The following DPYD variants were observed in gnomAD, a reference collection of about 807,000 sequenced individuals.
The protein encoded by DPYD is dihydropyrimidine dehydrogenase [NADP(+)].
DPYD carries 109 observed loss-of-function variants against 116.2 expected under a neutral mutation model. The observed-to-expected ratio is 0.94, with a 90% CI of 0.80 to 1.10. The LOEUF (loss-of-function observed/expected upper bound fraction) is 1.10. Ranked by LOEUF, DPYD falls within the 50% of genes least tolerant of loss-of-function variation. The pLI is 0.00. For synonymous variants in DPYD, 440 were observed against 432.0 expected (o/e 1.02, Z -0.23); for missense variants, 1,302 against 1,254.5 (o/e 1.04, Z -0.57).
At chr1:97,222,871 C>T (rs1660866917) in intron 19 of DPYD, among the ~76,000 whole-genome samples, 1 of 151,948 alleles carries the variant, frequency 6.6e-6, no homozygotes, top group Non-Finnish European at 1.5e-5. Context: ...ATTTTGAATG[C>T]TGTCAAGTAT....
intron 16 of DPYD, among the ~76,000 whole-genome samples, chr1:97,349,886 G>A (rs1453581839): frequency 2.0e-5 from 3 of 148,174 alleles, no homozygotes; most frequent in Non-Finnish European, 3.0e-5. Context: ...TGTGTCAAAT[G>A]GTATTTCTAG....
At chr1:97,208,139 TG>T (rs2101863920) in intron 19 of DPYD, among the ~76,000 whole-genome samples, 1 of 152,216 alleles carries the variant, frequency 6.6e-6, no homozygotes, top group South Asian at 2.1e-4. Flanking sequence ...CAATTGTTTT[TG>T]TTTTTTTCCT....
At chr1:97,135,663 AAT>A (rs932572295) in intron 20 of DPYD, among the ~76,000 whole-genome samples, 2 of 152,170 alleles carry the variant, frequency 1.3e-5, no homozygotes, top group African/African-American at 4.8e-5. Context: ...ATTTTTAAAA[AAT>A]AGTGTCTTTT....
chr1:97,894,764 C>G (rs997095620), intron 1 of DPYD, among the ~76,000 whole-genome samples: 2 of 151,240 alleles, frequency 1.3e-5, no homozygotes, highest in Non-Finnish European at 3.0e-5. Flanking sequence ...AAAGAGATAT[C>G]AAAAATATAT....
chr1:97,858,838 T>G (rs1023346116), intron 2 of DPYD, among the ~76,000 whole-genome samples: 1 of 152,148 alleles, frequency 6.6e-6, no homozygotes, highest in Admixed American at 6.5e-5. Context: ...TTAATGAATA[T>G]ATACATGAAA....
rs190460824 is a variant in DPYD, at chr1:97,759,690, T to A, written c.234-19211A>T. On this transcript the variant is annotated intron_variant, in intron 3 of 22. Transcript: ENST00000370192. Reference sequence around the variant, plus strand: ...TGTATTGCCACCTTCTACAATCTTTTATGTATTTTTTGTTGTCCTAAATTG... The same window carrying A: ...TGTATTGCCACCTTCTACAATCTTTAATGTATTTTTTGTTGTCCTAAATTG... Among the ~76,000 whole-genome samples the A allele has an allele frequency of 4.2e-3, 638 of 152,312 alleles. 9 individuals are homozygous for A. The highest frequency in any genetic ancestry group is 0.015 in the African/African-American group (617 of 41,574).
chr1:97,673,258 T>A (rs971167953), intron 8 of DPYD, among the ~76,000 whole-genome samples: 3 of 152,134 alleles, frequency 2.0e-5, no homozygotes, highest in Non-Finnish European at 4.4e-5. Flanking sequence ...AAAGGATAGA[T>A]CATGTTAAGA....
intron 16 of DPYD, among the ~76,000 whole-genome samples, chr1:97,333,990 G>A (rs1046682767): frequency 1.3e-5 from 2 of 152,082 alleles, no homozygotes; most frequent in Non-Finnish European, 2.9e-5. Context: ...CAGAATTTAC[G>A]TTAATAGCAT....
chr1:97,694,935 A>G (rs1661213379), intron 6 of DPYD, among the ~76,000 whole-genome samples: 1 of 152,198 alleles, frequency 6.6e-6, no homozygotes, highest in Non-Finnish European at 1.5e-5. Context: ...GCTTTCAATG[A>G]TCCCATTTTT....
chr1:97,264,111 T>C (rs887259767), intron 18 of DPYD, among the ~76,000 whole-genome samples: 8 of 150,592 alleles, frequency 5.3e-5, no homozygotes. Flanking sequence ...TTCTTTTGGT[T>C]ACCTACAGAT....
At chr1:97,275,514 C>G (rs1004041859) in intron 18 of DPYD, among the ~76,000 whole-genome samples, 1 of 152,160 alleles carries the variant, frequency 6.6e-6, no homozygotes, top group Non-Finnish European at 1.5e-5. Context: ...TTTTCCTTTA[C>G]CTGTAAACTC....
intron 3 of DPYD, among the ~76,000 whole-genome samples, chr1:97,801,448 C>A (rs940783455): frequency 6.6e-6 from 1 of 151,892 alleles, no homozygotes; most frequent in Admixed American, 6.6e-5. Flanking sequence ...GGCCCTGCCA[C>A]GAGCTTATAT....
intron 12 of DPYD, among the ~76,000 whole-genome samples, chr1:97,521,247 CAT>C (rs550394488): frequency 5.2e-4 from 79 of 152,114 alleles, no homozygotes; most frequent in East Asian, 1.7e-3. Context: ...CTTTTTTTCA[CAT>C]GTTTGTTGGC....
intron 16 of DPYD, among the ~76,000 whole-genome samples, chr1:97,333,745 C>T (rs910299493): frequency 6.6e-6 from 1 of 151,792 alleles, no homozygotes; most frequent in South Asian, 2.1e-4. Flanking sequence ...TGGTCTTGAT[C>T]TCCTGACCTC....
intron 20 of DPYD, among the ~76,000 whole-genome samples, chr1:97,115,059 T>C (rs906496914): frequency 6.6e-6 from 1 of 152,140 alleles, no homozygotes; most frequent in African/African-American, 2.4e-5. Context: ...TATTCACAAC[T>C]GAAAAAAGGA....
In DPYD at chr1:97,593,215, T is replaced by A; in HGVS notation, c.1128+3A>T. ...TCCATATTTTCTGATGGTTCCATTT[T>A]ACCTCCTCAGGGACAGCTCTTATAT... On this transcript the variant is annotated splice_donor_region_variant and intron_variant, in intron 10 of 22. Coordinates refer to ENST00000370192, the MANE Select transcript of DPYD (RefSeq NM_000110.4). 1 of 1,614,008 alleles carries A rather than the reference T, an allele frequency of 6.2e-7. No homozygotes were observed.
intron 2 of DPYD, among the ~76,000 whole-genome samples, chr1:97,869,441 T>C (rs1022809263): frequency 6.6e-6 from 1 of 151,734 alleles, no homozygotes; most frequent in African/African-American, 2.4e-5. Flanking sequence ...GGGGTCAGAA[T>C]GTCACCGCAA....
Position 97,164,790 on chromosome 1 carries a change from G to A in DPYD, c.2622+28279C>T, listed in dbSNP as rs557051326. ...TAAATCAGAGATGACACAAACAAAC[G>A]GGAAAACATTCCATGCTCGTGGACA... On this transcript the variant is annotated intron_variant, in intron 20 of 22. Transcript: ENST00000370192. 1.8e-4 allele frequency among the ~76,000 whole-genome samples: 28 copies of A among 151,826 alleles called. No homozygotes were observed. The South Asian group carries it at 5.0e-3, about 27-fold the overall frequency.
intron 18 of DPYD, among the ~76,000 whole-genome samples, chr1:97,242,271 G>A (rs1002639356): frequency 2.6e-4 from 38 of 148,552 alleles, no homozygotes; most frequent in African/African-American, 5.9e-4. Context: ...TAGAAAAACC[G>A]TAGAAAACAA....
Sources: allele counts gnomAD v4.1 joint callset (sites outside exome capture counted in the v4.1 genomes callset), GRCh38; gene constraint gnomAD v4.1.1; transcripts MANE v1.5; gene names NCBI Gene and HGNC (gene_info 2026-07-23, HGNC 2026-07-21).